The following ROCK2 variants were observed in gnomAD, a reference collection of about 807,000 sequenced individuals.
ROCK2 encodes the protein Rho associated coiled-coil containing protein kinase 2.
In ROCK2, 61 loss-of-function variants were observed where a neutral mutation model predicts 195.1. The observed-to-expected ratio is 0.31, with a 90% confidence interval of 0.25 to 0.39. The LOEUF is 0.39. Among genes scored for constraint, ROCK2 ranks in the 10% least tolerant of loss-of-function variants. The pLI, the probability that ROCK2 is intolerant of heterozygous loss-of-function variation, is 1.00. For missense variants in ROCK2, 1,109 were observed against 1,637.4 expected, an observed-to-expected ratio of 0.68 and a Z score of 5.57; for synonymous variants, 504 against 545.5, an observed-to-expected ratio of 0.92 and a Z score of 1.06.
intron 1 of ROCK2, among the ~76,000 whole-genome samples, chr2:11,318,781 T>G (rs1312457584): frequency 3.3e-5 from 5 of 152,218 alleles, no homozygotes; most frequent in African/African-American, 1.2e-4. Flanking sequence ...AATTTTTGTA[T>G]AAGGTGTAAG....
chr2:11,231,428 G>A (rs1468199493), intron 5 of ROCK2, among the ~76,000 whole-genome samples: 1 of 152,048 alleles, frequency 6.6e-6, no homozygotes, highest in African/African-American at 2.4e-5. Context: ...GGCTGGTCTC[G>A]AACTCCTGAC....
chr2:11,286,975 A>G (rs1667215936), intron 2 of ROCK2, among the ~76,000 whole-genome samples: 1 of 152,184 alleles, frequency 6.6e-6, no homozygotes, highest in Non-Finnish European at 1.5e-5. Flanking sequence ...CATGGCAGAA[A>G]GTTGCCATGA....
intron 3 of ROCK2, 103 bp from the exon 4 acceptor site, chr2:11,249,901 A>C: frequency 1.0e-6 from 1 of 982,214 alleles, no homozygotes; most frequent in Non-Finnish European, 1.4e-6. Flanking sequence ...GTTACAAAAA[A>C]ATGGTCCTTA....
chr2:11,335,144 CACACAG>C (rs769638585), intron 1 of ROCK2, among the ~76,000 whole-genome samples: 15 of 129,938 alleles, frequency 1.2e-4, no homozygotes, highest in African/African-American at 2.4e-4. Flanking sequence ...CACACACACA[CACACAG>C]ACACACACAC....
At chr2:11,208,253 T>A in intron 19 of ROCK2, 34 bp downstream of exon 19, 1 of 1,219,302 alleles carries the variant, frequency 8.2e-7, no homozygotes, top group Non-Finnish European at 1.1e-6. Flanking sequence ...AATTCATTAG[T>A]TTATTATTAA....
chr2:11,284,936 G>A (rs145553083), intron 3 of ROCK2, among the ~76,000 whole-genome samples: 32 of 152,162 alleles, frequency 2.1e-4, no homozygotes, highest in African/African-American at 7.2e-4. Context: ...ATTATTCAAC[G>A]TGCTACCATT....
intron 4 of ROCK2, among the ~76,000 whole-genome samples, chr2:11,243,685 G>C (rs946253711): frequency 6.6e-6 from 1 of 152,008 alleles, no homozygotes; most frequent in Admixed American, 6.6e-5. Flanking sequence ...AACTGTCAAG[G>C]TCATCAAAAA....
intron 1 of ROCK2, among the ~76,000 whole-genome samples, chr2:11,290,612 A>G (rs1423066173): frequency 6.6e-6 from 1 of 152,216 alleles, no homozygotes; most frequent in Non-Finnish European, 1.5e-5. Flanking sequence ...GAGACTAAAC[A>G]AAACACTACC....
chr2:11,281,132 G>A (rs911847700), intron 3 of ROCK2, among the ~76,000 whole-genome samples: 1 of 146,278 alleles, frequency 6.8e-6, no homozygotes, highest in East Asian at 2.0e-4. Flanking sequence ...ACACCAACAG[G>A]CTAAAAAAGA....
At chr2:11,322,462 T>C (rs2148250450) in intron 1 of ROCK2, among the ~76,000 whole-genome samples, 1 of 151,864 alleles carries the variant, frequency 6.6e-6, no homozygotes, top group East Asian at 1.9e-4. Context: ...TGACTGTTGC[T>C]GCCATTGTCG....
Position 11,192,238 on chromosome 2 carries a change from A to G in ROCK2, c.4073T>C (p.Phe1358Ser). The G allele has an allele frequency of 6.2e-7, 1 of 1,613,982 alleles. No homozygotes were observed. Among genetic ancestry groups the G allele is most frequent in the South Asian group, 1.1e-5 (1 of 91,068 alleles). Residue 1358 changes from phenylalanine (F) to serine (S), a missense_variant, in exon 32 of 33, where the codon TTT becomes TCT. Phe to Ser is a radical substitution (Grantham distance 155). Transcript: ENST00000315872. The surrounding 1 kb of genome is among the most constrained non-coding windows in gnomAD (Gnocchi z 5.0). ...IPKKPPAPDP[F>S]ARSSPRTSMK... ...TGAAGTTCTAGGAGATGATCGGGCA[A>G]AAGGGTCTGGAGCTGGGGGCTTTTT...
intron 3 of ROCK2, among the ~76,000 whole-genome samples, chr2:11,282,107 TTGGAAAGCCAAGGCAG>T (rs547900714): frequency 2.6e-4 from 39 of 152,228 alleles, no homozygotes; most frequent in African/African-American, 8.9e-4. Flanking sequence ...TCCTAGCACT[TTGGAAAGCCAAGGCAG>T]GTAGATCGCT....
In ROCK2 at chr2:11,272,682, C is replaced by G. The variant is rs550290745; in HGVS notation, c.324+13857G>C. Among the ~76,000 whole-genome samples, 4 of 151,962 alleles carry G rather than the reference C, an allele frequency of 2.6e-5. No individual in the cohort carries two copies. In the East Asian group the frequency reaches 7.8e-4, roughly 30 times the overall value. ...ATCATTTGAGGTCAGGAGTTTGAGA[C>G]CAGCCTTGCCAACATGGTCTCCACT... On this transcript the variant is annotated intron_variant, in intron 3 of 32. Transcript: ENST00000315872.
At chr2:11,225,084 A>C (rs74997520) in intron 6 of ROCK2, among the ~76,000 whole-genome samples, 1 of 152,196 alleles carries the variant, frequency 6.6e-6, no homozygotes, top group African/African-American at 2.4e-5. Flanking sequence ...CATAAGAGGA[A>C]GTCAGGCCCA....
chr2:11,343,983 C>G lies in ROCK2; in HGVS notation c.141+13G>C. On this transcript the variant is annotated intron_variant, in intron 1 of 32. Coordinates refer to ENST00000315872, the MANE Select transcript of ROCK2 (RefSeq NM_004850.5). ...AGCTGCAACGAGCAAGCTCCCAGGC[C>G]CCGGCCACCTACCAGCAAGCTCTCC... 1 of 1,585,674 alleles carries G rather than the reference C, an allele frequency of 6.3e-7. No homozygotes were observed. The highest frequency in any genetic ancestry group is 1.1e-5 in the South Asian group (1 of 89,662).
At chr2:11,215,229 G>A in intron 15 of ROCK2, 92 bp downstream of exon 15, 1 of 1,425,192 alleles carries the variant, frequency 7.0e-7, no homozygotes, top group Non-Finnish European at 9.4e-7. Context: ...AAAATTAGAG[G>A]TAAAGGCCTT....
At position 11,180,707 on chromosome 2, in the gene ROCK2, T is replaced by A. The variant is rs1044557779; in HGVS notation, c.*2730A>T. On this transcript the variant is annotated 3_prime_UTR_variant, in exon 33 of 33. Coordinates refer to ENST00000315872, the MANE Select transcript of ROCK2 (RefSeq NM_004850.5). The stretch of plus-strand genomic sequence containing the variant: ...TCAGGTGTGAAGGAACAAGCAAATT[T>A]TAGTCTTATATTTATCTTGGAAGCT... The A allele has an allele frequency of 2.0e-5, 3 of 152,274 alleles. No individual in the cohort carries two copies. Among genetic ancestry groups the A allele is most frequent in the African/African-American group, 7.2e-5 (3 of 41,550 alleles). The allele number at this position is 152,274 out of a possible 1,614,324, so 9.4% of individuals were successfully genotyped here.
chr2:11,345,292 G>A (rs1669270531), upstream of ROCK2, among the ~76,000 whole-genome samples: 2 of 152,218 alleles, frequency 1.3e-5, no homozygotes, highest in Admixed American at 1.3e-4. Flanking sequence ...GAGAACGGGA[G>A]AGCACCGGAA....
intron 17 of ROCK2, among the ~76,000 whole-genome samples, chr2:11,212,181 T>C (rs1461648386): frequency 6.6e-6 from 1 of 152,090 alleles, no homozygotes; most frequent in Admixed American, 6.6e-5. Flanking sequence ...CCTCCCACAG[T>C]GCTGAGATTA....
Sources: allele counts gnomAD v4.1 joint callset (sites outside exome capture counted in the v4.1 genomes callset), GRCh38; gene constraint gnomAD v4.1.1; non-coding constraint Gnocchi (gnomAD v3.1); transcripts MANE v1.5; gene names NCBI Gene and HGNC (gene_info 2026-07-23, HGNC 2026-07-21).